Variants in SYNJ2 observed in about 807,000 individuals in gnomAD.
SYNJ2 encodes polyphosphatidylinositol phosphatase SYNJ2.
A neutral mutation model predicts 141.3 loss-of-function variants in SYNJ2; 116 were observed. The ratio of observed to expected loss-of-function variants is 0.82; its 90% CI spans 0.71 to 0.96. SYNJ2 has a LOEUF of 0.96. SYNJ2 is among the 40% of genes least tolerant of loss of function. The probability of loss-of-function intolerance (pLI) is 0.00; values close to 1 mark genes in which losing one functional copy is unlikely to be tolerated. For missense variants in SYNJ2, 1,873 were observed against 1,934.8 expected, an observed-to-expected ratio of 0.97 and a Z score of 0.60; for synonymous variants, 745 against 777.7, an observed-to-expected ratio of 0.96 and a Z score of 0.70.
intron 1 of SYNJ2, among the ~76,000 whole-genome samples, chr6:158,008,949 C>T (rs1437424395): frequency 6.6e-6 from 1 of 152,242 alleles, no homozygotes; most frequent in Non-Finnish European, 1.5e-5. Context: ...CCCCACGCCA[C>T]TTCCTCCATG....
chr6:157,990,619 C>G (rs533529009), intron 1 of SYNJ2, among the ~76,000 whole-genome samples: 3 of 152,142 alleles, frequency 2.0e-5, no homozygotes, highest in Admixed American at 2.0e-4. Flanking sequence ...TCAGACCCAG[C>G]GGAGGACCGG....
chr6:157,981,810 A>T, upstream of SYNJ2: 1 of 621,554 alleles, frequency 1.6e-6, no homozygotes, highest in Non-Finnish European at 2.3e-6. The surrounding 1 kb of genome is among the most constrained non-coding windows in gnomAD (Gnocchi z 6.4). Context: ...GAGGAGGAGG[A>T]AGGGGAGGAG....
At chr6:157,992,401 CTTTTTTTTTTTT>C (rs57905567) in intron 1 of SYNJ2, among the ~76,000 whole-genome samples, 9 of 120,400 alleles carry the variant, frequency 7.5e-5, no homozygotes, top group East Asian at 2.4e-4. Context: ...TGGCTTGTTT[CTTTTTTTTTTTT>C]TTTTTTTTTT....
chr6:157,989,871 C>G (rs1777349995), intron 1 of SYNJ2, among the ~76,000 whole-genome samples: 1 of 151,986 alleles, frequency 6.6e-6, no homozygotes, highest in Admixed American at 6.6e-5. Flanking sequence ...TGCTGGGGCT[C>G]CTGCAGAGCG....
At chr6:158,059,430 T>C in intron 7 of SYNJ2, 77 bp downstream of exon 7, 1 of 1,534,274 alleles carries the variant, frequency 6.5e-7, no homozygotes, top group Non-Finnish European at 8.7e-7. Flanking sequence ...TGGAGGTGGC[T>C]CCTGCAGGGA....
At chr6:158,067,975 G>A in intron 12 of SYNJ2, 1 of 985,264 alleles carries the variant, frequency 1.0e-6, no homozygotes, top group South Asian at 4.7e-5. Flanking sequence ...AGGTGTGCAT[G>A]TTTTTAGCAA....
At chr6:158,041,025 A>G (rs1040597718) in intron 4 of SYNJ2, among the ~76,000 whole-genome samples, 1 of 152,208 alleles carries the variant, frequency 6.6e-6, no homozygotes, top group African/African-American at 2.4e-5. Context: ...CCTCTGGGGA[A>G]GAGAAAACAG....
chr6:158,081,502 G>A lies in SYNJ2; in HGVS notation c.2857G>A (p.Gly953Ser), dbSNP rs370402501. The A allele has an allele frequency of 8.1e-6, 13 of 1,613,668 alleles. No homozygotes were observed. The highest frequency in any genetic ancestry group is 1.1e-5 in the Non-Finnish European group (13 of 1,179,922). The change falls in exon 20 of 27, where the codon GGT becomes AGT. Residue 953 changes from glycine to serine, a missense_variant. Physicochemically the swap from Gly to Ser is moderately conservative, Grantham distance 56. Transcript: ENST00000355585. ...HSALSVLDVD[G>S]MKVKGRAVKI... The stretch of plus-strand genomic sequence containing the variant: ...GGCTCTCAGTGTCCTGGACGTGGAC[G>A]GTATGAAGGTACGCTGTACTTGGCC...
chr6:158,023,315 C>G lies in SYNJ2; in HGVS notation c.215-5441C>G, dbSNP rs188447198. On this transcript the variant is annotated intron_variant, in intron 2 of 26. Transcript: ENST00000355585. ...CAAAAAACCCATGGTATACAGAGAACACAGTCAGGCAGTCAGGCTGTCAAT... is the reference window on the plus strand; with the variant it reads ...CAAAAAACCCATGGTATACAGAGAAGACAGTCAGGCAGTCAGGCTGTCAAT... Among the ~76,000 whole-genome samples, 13 of 149,178 alleles carry G rather than the reference C, an allele frequency of 8.7e-5. No individual in the cohort carries two copies. The East Asian group carries it at 2.6e-3, about 30-fold the overall frequency.
Position 158,071,823 on chromosome 6 carries a change from C to T in SYNJ2, c.2133+29C>T, listed in dbSNP as rs1562382626. 6.2e-7 allele frequency: 1 copy of T among 1,604,968 alleles called. No homozygotes were observed. Among genetic ancestry groups the T allele is most frequent in the Non-Finnish European group, 8.5e-7 (1 of 1,176,904 alleles). ...AGCGGCGCCGTGGGGACAGCCAGCA[C>T]CTCCCTGCTCAGCTCAGTCCCAAAT... On this transcript the variant is annotated intron_variant, in intron 15 of 26. Transcript: ENST00000355585. The surrounding 1 kb of genome is among the most constrained non-coding windows in gnomAD (Gnocchi z 4.3).
rs1367378325 is a variant in SYNJ2 at position 158,040,278 on chromosome 6, G to GTCA, written c.712-3037_712-3036insCAT. Among the ~76,000 whole-genome samples, 2 of 131,166 alleles carry GTCA rather than the reference G, an allele frequency of 1.5e-5. No individual in the cohort carries two copies. The highest frequency in any genetic ancestry group is 9.2e-5 in the African/African-American group (2 of 21,636). 86.0% of individuals were successfully genotyped at this position (131,166 alleles called of 152,430 possible). On this transcript the variant is annotated intron_variant, in intron 4 of 26. Transcript: ENST00000355585. The surrounding 1 kb of genome is among the most constrained non-coding windows in gnomAD (Gnocchi z 4.2). ...GCATTTGTGTATACATGTGTGTGGT[G>GTCA]TGTGCCTTGTGTTTGTTTTTCATGT...
rs1005450751 is a variant in SYNJ2 at position 158,078,208 on chromosome 6, A to G, written c.2494A>G (p.Lys832Glu). The change falls in exon 18 of 27, where the codon AAA becomes GAA. Residue 832 changes from lysine (K) to glutamate (E), a missense_variant. By Grantham distance (56) the Lys-to-Glu change is moderately conservative (BLOSUM62 1). Coordinates refer to ENST00000355585, the MANE Select transcript of SYNJ2 (RefSeq NM_003898.4). ...LLDSDLDVDT[K>E]VRHTWSPGAL... is the part of the protein sequence containing the mutation. ...AGACAGTGATCTAGATGTTGACACC[A>G]AAGTCAGACACACCTGGTCTCCTGG... 6.2e-7 allele frequency: 1 copy of G among 1,614,132 alleles called. No homozygotes were observed. Among genetic ancestry groups the G allele is most frequent in the African/African-American group, 1.3e-5 (1 of 75,050 alleles).
chr6:158,077,577 T>C (rs1000041016), intron 17 of SYNJ2: 2 of 151,088 alleles, frequency 1.3e-5, no homozygotes, highest in African/African-American at 4.9e-5. Flanking sequence ...TTGTCAAGTA[T>C]GTTTTGAACA....
At chr6:158,077,291 G>A (rs868588307) in intron 17 of SYNJ2, among the ~76,000 whole-genome samples, 6 of 152,268 alleles carry the variant, frequency 3.9e-5, no homozygotes, top group Middle Eastern at 3.4e-3. Flanking sequence ...ACTGCGCCTG[G>A]CCTCCTCTGG....
chr6:158,064,280 G>T (rs1781416622), intron 9 of SYNJ2, among the ~76,000 whole-genome samples: 2 of 152,058 alleles, frequency 1.3e-5, no homozygotes, highest in Admixed American at 6.5e-5. Context: ...CCTGGCTGGG[G>T]GGTCGGGGGT....
At chr6:158,041,954 CGCCTCCCACCTTG>C (rs1779971650) in intron 4 of SYNJ2, among the ~76,000 whole-genome samples, 2 of 152,362 alleles carry the variant, frequency 1.3e-5, no homozygotes, top group Admixed American at 1.3e-4. Flanking sequence ...GGCTCAAGCC[CGCCTCCCACCTTG>C]GCCTCCCAAA....
At chr6:158,093,456 A>AC (rs1312484763) in intron 26 of SYNJ2, among the ~76,000 whole-genome samples, 4,403 of 152,020 alleles carry the variant, frequency 0.029, 81 homozygotes, top group African/African-American at 0.046. Context: ...AAAACAAAAA[A>AC]AAAAAAACAG....
rs769984551 is a variant in SYNJ2 at position 158,071,582 on chromosome 6, C to T, written c.1941-20C>T. 31 of 1,609,312 alleles carry T rather than the reference C, an allele frequency of 1.9e-5. 1 individual carries two copies. The Admixed American group carries it at 3.2e-4, about 17-fold the overall frequency. On this transcript the variant is annotated intron_variant, in intron 14 of 26. Transcript: ENST00000355585. The surrounding 1 kb of genome is among the most constrained non-coding windows in gnomAD (Gnocchi z 4.3). ...TTCTCCTTCAGGAGCCGACGGCATG[C>T]GCGTATCCTTCTGTTCCAGGGACGT...
intron 6 of SYNJ2, among the ~76,000 whole-genome samples, chr6:158,056,670 G>A (rs1254288471): frequency 6.6e-6 from 1 of 152,218 alleles, no homozygotes; most frequent in Non-Finnish European, 1.5e-5. Flanking sequence ...TCCCTGGACT[G>A]GCATGTGCAT....
Sources: gnomAD v4.1 joint callset for allele counts (sites outside exome capture counted in the v4.1 genomes callset) on GRCh38, gnomAD v4.1.1 for gene constraint, Gnocchi (gnomAD v3.1) non-coding constraint, MANE v1.5 for transcripts, NCBI Gene and HGNC (gene_info 2026-07-23, HGNC 2026-07-21) for gene names.